Variants in MAP3K4 observed in about 807,000 individuals in gnomAD.
MAP3K4 encodes mitogen-activated protein kinase kinase kinase 4, also known as MAP three kinase 1.
A neutral mutation model predicts 185.6 loss-of-function variants in MAP3K4; 67 were observed. The ratio of observed to expected loss-of-function variants is 0.36; its 90% CI spans 0.30 to 0.44. The LOEUF (loss-of-function observed/expected upper bound fraction) is 0.44. MAP3K4 is among the 20% of genes least tolerant of loss of function. MAP3K4 has a pLI of 1.00. For missense variants in MAP3K4, 1,551 were observed against 1,995.1 expected (o/e 0.78, Z 4.24); for synonymous variants, 702 against 710.4 (o/e 0.99, Z 0.19).
chr6:161,088,433 C>G lies in MAP3K4; in HGVS notation c.2823+479C>G, dbSNP rs980227761. Among the ~76,000 whole-genome samples, 2 of 152,266 alleles carry G rather than the reference C, an allele frequency of 1.3e-5. No individual in the cohort carries two copies. The highest frequency in any genetic ancestry group is 2.4e-5 in the African/African-American group (1 of 41,548). On this transcript the variant is annotated intron_variant, in intron 10 of 26. Coordinates refer to ENST00000392142, the MANE Select transcript of MAP3K4 (RefSeq NM_005922.4). This position sits in a 1 kb window ranked among gnomAD's most constrained non-coding sequence, Gnocchi z 4.5. The stretch of plus-strand genomic sequence containing the variant: ...AGCTTTCTCATTTATCTGTGTTCAG[C>G]TTAGGAACAGTCATGGTGAGTGTTC...
At chr6:161,062,775 A>G (rs535504595) in intron 3 of MAP3K4, among the ~76,000 whole-genome samples, 4 of 151,980 alleles carry the variant, frequency 2.6e-5, no homozygotes, top group African/African-American at 9.7e-5. Flanking sequence ...TACCTAAAGG[A>G]TTTTTTTCTT....
At chr6:160,998,173 C>T (rs1416279368) in intron 1 of MAP3K4, among the ~76,000 whole-genome samples, 1 of 152,310 alleles carries the variant, frequency 6.6e-6, no homozygotes, top group African/African-American at 2.4e-5. Flanking sequence ...CACTGTCAGC[C>T]AGTTGCCCTT....
At chr6:161,090,538 G>A (rs1785980013) in intron 11 of MAP3K4, among the ~76,000 whole-genome samples, 1 of 145,288 alleles carries the variant, frequency 6.9e-6, no homozygotes. Flanking sequence ...CGCATTGTAG[G>A]ATGTTTAGAG....
At chr6:161,036,091 C>T (rs1387390490) in intron 2 of MAP3K4, among the ~76,000 whole-genome samples, 1 of 152,154 alleles carries the variant, frequency 6.6e-6, no homozygotes, top group Admixed American at 6.5e-5. Flanking sequence ...AGTGAGACAG[C>T]CAGTCACTAG....
chr6:161,000,270 C>CA (rs1482836808), intron 1 of MAP3K4, among the ~76,000 whole-genome samples: 1 of 152,196 alleles, frequency 6.6e-6, no homozygotes, highest in Non-Finnish European at 1.5e-5. Context: ...TTGTGACCCT[C>CA]AGTTTTAAAA....
At chr6:161,089,563 A>G in intron 11 of MAP3K4, 92 bp downstream of exon 11, 3 of 1,392,382 alleles carry the variant, frequency 2.2e-6, no homozygotes, top group Non-Finnish European at 2.9e-6. Flanking sequence ...CATCCAAGGA[A>G]CTTGAGCTCC....
In MAP3K4 at chr6:161,070,634, G is replaced by C; in HGVS notation, c.1734G>C (p.Trp578Cys). ...VEFSEFPDPM[W>C]GSDYVQLSRT... ...TTTCTGAATTTCCAGATCCCATGTG[G>C]GGTTCAGATTATGTGCAGTTGTCAA... is the stretch of plus-strand genomic sequence containing the variant. Residue 578 changes from tryptophan to cysteine, a missense_variant, in exon 4 of 27, where the codon TGG (tryptophan) becomes TGC (cysteine). Transcript: ENST00000392142. The surrounding 1 kb of genome is among the most constrained non-coding windows in gnomAD (Gnocchi z 4.5). 6.2e-7 allele frequency: 1 copy of C among 1,613,796 alleles called. No homozygotes were observed. Among genetic ancestry groups the C allele is most frequent in the Non-Finnish European group, 8.5e-7 (1 of 1,179,964 alleles).
chr6:161,084,609 C>T lies in MAP3K4; in HGVS notation c.2364C>T (p.Asp788=), dbSNP rs373337026. 1.4e-5 allele frequency: 22 copies of T among 1,588,036 alleles called. No individual in the cohort carries two copies. The highest frequency in any genetic ancestry group is 1.0e-4 in the Admixed American group (6 of 59,934). The change falls in exon 7 of 27, where the codon GAC becomes GAT. Residue 788 remains aspartate, a synonymous_variant. Transcript: ENST00000392142. This position sits in a 1 kb window ranked among gnomAD's most constrained non-coding sequence, Gnocchi z 4.6. ...GTGCGGATGACAGCAGTGCTTCCGACGAAATCAGGTTGGAGTTGTGCTTCC... is the reference window on the plus strand; with the variant it reads ...GTGCGGATGACAGCAGTGCTTCCGATGAAATCAGGTTGGAGTTGTGCTTCC... ...WTSADDSSAS[D]EIRRSVIEIS... is the part of the protein sequence containing the mutation.
rs1328371083 is a variant in MAP3K4, at chr6:161,086,705, T to C, written c.2556+38T>C. On this transcript the variant is annotated intron_variant, in intron 9 of 26. Transcript: ENST00000392142. This position sits in a 1 kb window ranked among gnomAD's most constrained non-coding sequence, Gnocchi z 4.8. Reference sequence around the variant, plus strand: ...AATGTTGTGATTGAAACATTTTGCCTTTCCTTCTTTATTCTAAAACAGGCA... The same window carrying C: ...AATGTTGTGATTGAAACATTTTGCCCTTCCTTCTTTATTCTAAAACAGGCA... 1.2e-5 allele frequency: 19 copies of C among 1,545,056 alleles called. No individual in the cohort carries two copies. Among genetic ancestry groups the C allele is most frequent in the Non-Finnish European group, 1.7e-5 (19 of 1,127,784 alleles).
chr6:161,023,151 C>T (rs990729928), intron 1 of MAP3K4, among the ~76,000 whole-genome samples: 4 of 152,242 alleles, frequency 2.6e-5, no homozygotes, highest in South Asian at 2.1e-4. Flanking sequence ...TGTGTAACAC[C>T]TTATAATTTT....
rs1049660304 is a variant in MAP3K4, at chr6:161,071,103, C to A, written c.1950+253C>A. Among the ~76,000 whole-genome samples the A allele has an allele frequency of 3.9e-5, 6 of 152,050 alleles. No homozygotes were observed. The highest frequency in any genetic ancestry group is 1.2e-4 in the African/African-American group (5 of 41,390). On this transcript the variant is annotated intron_variant, in intron 4 of 26. Transcript: ENST00000392142. This position sits in a 1 kb window ranked among gnomAD's most constrained non-coding sequence, Gnocchi z 4.6. Reference sequence around the variant, plus strand: ...GTTCTAAGTATTTTAAAGTTTCAGTCTTTGAAGACTAAAATTTAAAATTCA... The same window carrying A: ...GTTCTAAGTATTTTAAAGTTTCAGTATTTGAAGACTAAAATTTAAAATTCA...
chr6:161,020,606 C>T (rs538858068), intron 1 of MAP3K4, among the ~76,000 whole-genome samples: 3 of 147,648 alleles, frequency 2.0e-5, no homozygotes, highest in East Asian at 2.0e-4. Flanking sequence ...TGTGGTGAGC[C>T]GAGATCGCAC....
At chr6:161,069,793 A>T (rs969293650) in intron 3 of MAP3K4, among the ~76,000 whole-genome samples, 4 of 151,972 alleles carry the variant, frequency 2.6e-5, no homozygotes, top group African/African-American at 2.4e-5. Context: ...GTGAGGAATG[A>T]TGGGGAGGGG....
chr6:160,991,798 C>A lies in MAP3K4; in HGVS notation c.-134C>A. On this transcript the variant is annotated 5_prime_UTR_variant, in exon 1 of 27. Transcript: ENST00000392142. The surrounding 1 kb of genome is among the most constrained non-coding windows in gnomAD (Gnocchi z 5.7). ...GGCCGGTCGCCGTTTCCAAGATGGC[C>A]GCGGCGCGCACGGCTCCTGCGGCGG... The A allele has an allele frequency of 9.6e-7, 1 of 1,041,142 alleles. No homozygotes were observed. The highest frequency in any genetic ancestry group is 1.3e-6 in the Non-Finnish European group (1 of 783,410). The allele number at this position is 1,041,142 out of a possible 1,614,324, so 64.5% of individuals were successfully genotyped here.
rs2114871928 is a variant in MAP3K4 at position 161,093,138 on chromosome 6, ATAG to A, written c.3348+84_3348+86del. ...TCTGGTTGTATATGTTTTATATGTA[ATAG>A]TGGTTTTTTTCATGAGATATTAATC... On this transcript the variant is annotated intron_variant, in intron 14 of 26. Coordinates refer to ENST00000392142, the MANE Select transcript of MAP3K4 (RefSeq NM_005922.4). The surrounding 1 kb of genome is among the most constrained non-coding windows in gnomAD (Gnocchi z 5.2). 2.2e-6 allele frequency: 2 copies of A among 921,986 alleles called. No homozygotes were observed. Among genetic ancestry groups the A allele is most frequent in the East Asian group, 4.9e-5 (2 of 40,444 alleles). 57.1% of individuals were successfully genotyped at this position (921,986 alleles called of 1,614,324 possible).
At chr6:161,079,429 T>G (rs1785338075) in intron 5 of MAP3K4, among the ~76,000 whole-genome samples, 1 of 149,504 alleles carries the variant, frequency 6.7e-6, no homozygotes, top group African/African-American at 2.5e-5. Context: ...AATACGAAAT[T>G]AGCCAGTTGT....
chr6:161,113,690 G>A (rs1778455569), intron 25 of MAP3K4, among the ~76,000 whole-genome samples: 1 of 148,970 alleles, frequency 6.7e-6, no homozygotes, highest in African/African-American at 2.5e-5. Context: ...TAAAAAGATT[G>A]TCTGTTAACA....
rs970999807 is a variant in MAP3K4, at chr6:161,114,227, T to A, written c.4627-896T>A. ...CACTTAAACCAAGAAGTTTTCTGCT[T>A]CTGAAAATGTATCTTATGATGATAA... On this transcript the variant is annotated intron_variant, in intron 25 of 26. Transcript: ENST00000392142. The surrounding 1 kb of genome is among the most constrained non-coding windows in gnomAD (Gnocchi z 4.3). Among the ~76,000 whole-genome samples the A allele has an allele frequency of 1.3e-5, 2 of 152,200 alleles. No homozygotes were observed. The highest frequency in any genetic ancestry group is 2.9e-5 in the Non-Finnish European group (2 of 68,024).
intron 1 of MAP3K4, 186 bp downstream of exon 1, chr6:160,992,269 C>A (rs1341170663): frequency 6.5e-6 from 5 of 774,528 alleles, no homozygotes; most frequent in Non-Finnish European, 9.5e-6. Flanking sequence ...GTCTGTCCGG[C>A]GACTCCTCCC....
Sources: gnomAD v4.1 joint callset for allele counts (sites outside exome capture counted in the v4.1 genomes callset) on GRCh38, gnomAD v4.1.1 for gene constraint, Gnocchi (gnomAD v3.1) non-coding constraint, MANE v1.5 for transcripts, NCBI Gene and HGNC (gene_info 2026-07-23, HGNC 2026-07-21) for gene names.